The following EXOC6B variants were observed in gnomAD, a reference collection of about 807,000 sequenced individuals.
EXOC6B encodes the protein exocyst complex component 6B, also known as SEC15 homolog B.
In EXOC6B, 54 loss-of-function variants were observed where a neutral mutation model predicts 113.5. That is an observed-to-expected ratio of 0.48 (90% CI 0.38 to 0.60). The LOEUF (loss-of-function observed/expected upper bound fraction) is 0.60. EXOC6B is among the 20% of genes least tolerant of loss of function. The pLI is 0.00. For synonymous variants in EXOC6B, 357 were observed against 339.0 expected (o/e 1.05, Z -0.58); for missense variants, 797 against 977.5 (o/e 0.82, Z 2.46).
chr2:72,380,003 C>T, intron 18 of EXOC6B, 133 bp from the exon 19 acceptor site: 2 of 749,758 alleles, frequency 2.7e-6, no homozygotes, highest in South Asian at 5.6e-5. Flanking sequence ...AATACCCTTC[C>T]ATTCAAATAA....
intron 7 of EXOC6B, among the ~76,000 whole-genome samples, chr2:72,564,062 T>G (rs1256989243): frequency 6.6e-6 from 1 of 152,132 alleles, no homozygotes; most frequent in Non-Finnish European, 1.5e-5. Flanking sequence ...TCTACCAGCT[T>G]TACTGCTGGG....
At position 72,780,926 on chromosome 2, in the gene EXOC6B, GA is replaced by G. The variant is rs575447443; in HGVS notation, c.114-39458del. On this transcript the variant is annotated intron_variant, in intron 1 of 21. Transcript: ENST00000272427. ...TTGTTTTTGTAATTGTTACACTAAG[GA>G]AAAAAAAACTTTTAAATTGGGTTTT... Among the ~76,000 whole-genome samples, 478 of 150,718 alleles carry G rather than the reference GA, an allele frequency of 3.2e-3. 3 individuals carry two copies. The highest frequency in any genetic ancestry group is 4.9e-3 in the Non-Finnish European group (330 of 67,640).
At chr2:72,568,334 A>G (rs1368185187) in intron 7 of EXOC6B, among the ~76,000 whole-genome samples, 2 of 152,090 alleles carry the variant, frequency 1.3e-5, no homozygotes, top group Non-Finnish European at 2.9e-5. Context: ...AACTAGAGAT[A>G]GTTGTATAAA....
chr2:72,805,204 G>A (rs1685515543), intron 1 of EXOC6B, among the ~76,000 whole-genome samples: 1 of 152,188 alleles, frequency 6.6e-6, no homozygotes, highest in Non-Finnish European at 1.5e-5. Context: ...TTTGTGAAAT[G>A]ATGTGAGAAA....
chr2:72,247,724 C>A (rs962264624), intron 20 of EXOC6B, among the ~76,000 whole-genome samples: 1 of 152,166 alleles, frequency 6.6e-6, no homozygotes. Context: ...GGGAAATTTG[C>A]AAATTTTTTA....
chr2:72,486,831 A>G (rs1246520537), intron 16 of EXOC6B, among the ~76,000 whole-genome samples: 1 of 151,998 alleles, frequency 6.6e-6, no homozygotes, highest in East Asian at 1.9e-4. Flanking sequence ...CATTCCCACA[A>G]TAAATAACAG....
intron 3 of EXOC6B, among the ~76,000 whole-genome samples, chr2:72,732,114 G>A (rs1680676353): frequency 6.6e-6 from 1 of 152,144 alleles, no homozygotes; most frequent in African/African-American, 2.4e-5. Context: ...TGGTTTAAAT[G>A]GTAAATATGT....
intron 6 of EXOC6B, among the ~76,000 whole-genome samples, chr2:72,683,170 C>T (rs1009216819): frequency 6.6e-6 from 1 of 152,036 alleles, no homozygotes; most frequent in Admixed American, 6.6e-5. Context: ...AAGCTTTTAC[C>T]ATCTGAATCA....
chr2:72,453,587 A>G (rs12996385), intron 18 of EXOC6B, among the ~76,000 whole-genome samples: 1 of 152,116 alleles, frequency 6.6e-6, no homozygotes. Flanking sequence ...CAAAGTTATT[A>G]TTTAATTTCA....
intron 1 of EXOC6B, among the ~76,000 whole-genome samples, chr2:72,812,972 G>A (rs1686006878): frequency 6.6e-6 from 1 of 151,872 alleles, no homozygotes; most frequent in African/African-American, 2.4e-5. Flanking sequence ...CTACAGAGTA[G>A]GAAAAAAATA....
intron 19 of EXOC6B, among the ~76,000 whole-genome samples, chr2:72,356,830 A>G (rs555868058): frequency 2.6e-5 from 4 of 152,134 alleles, no homozygotes; most frequent in Non-Finnish European, 5.9e-5. Context: ...AAAATATTAT[A>G]TCGCTGCCCT....
intron 20 of EXOC6B, among the ~76,000 whole-genome samples, chr2:72,265,950 C>A (rs1161259142): frequency 1.2e-4 from 18 of 151,960 alleles, no homozygotes; most frequent in African/African-American, 3.6e-4. Context: ...GCCATTCTAA[C>A]TGGTGTGAGA....
At chr2:72,555,155 T>A (rs982831334) in intron 8 of EXOC6B, among the ~76,000 whole-genome samples, 1 of 152,206 alleles carries the variant, frequency 6.6e-6, no homozygotes, top group Non-Finnish European at 1.5e-5. Flanking sequence ...CAGTCTATCA[T>A]TGATGGACAT....
intron 18 of EXOC6B, among the ~76,000 whole-genome samples, chr2:72,387,209 T>G (rs961016008): frequency 1.3e-5 from 2 of 152,204 alleles, no homozygotes. Context: ...GTGTATCTTT[T>G]TAAAATATAA....
intron 20 of EXOC6B, among the ~76,000 whole-genome samples, chr2:72,217,052 T>C (rs1028043140): frequency 7.0e-6 from 1 of 142,272 alleles, no homozygotes; most frequent in Non-Finnish European, 1.5e-5. Flanking sequence ...AAAAAAAAAG[T>C]ATAGTAACCA....
At chr2:72,272,168 G>C (rs1684532344) in intron 20 of EXOC6B, among the ~76,000 whole-genome samples, 1 of 152,142 alleles carries the variant, frequency 6.6e-6, no homozygotes, top group African/African-American at 2.4e-5. Flanking sequence ...GTGAAGTGCA[G>C]TGAGGTGAGC....
chr2:72,210,358 T>C (rs1483951653), intron 20 of EXOC6B, among the ~76,000 whole-genome samples: 3 of 152,160 alleles, frequency 2.0e-5, no homozygotes, highest in Non-Finnish European at 4.4e-5. Context: ...TAACTTTCCA[T>C]TAATCCTAAA....
At chr2:72,445,071 A>G (rs1306303986) in intron 18 of EXOC6B, among the ~76,000 whole-genome samples, 6 of 152,116 alleles carry the variant, frequency 3.9e-5, no homozygotes, top group Non-Finnish European at 2.9e-5. Context: ...ACAGCATCCA[A>G]GTCACTTCTT....
intron 20 of EXOC6B, among the ~76,000 whole-genome samples, chr2:72,270,502 CACT>C (rs1684415355): frequency 6.6e-6 from 1 of 152,082 alleles, no homozygotes; most frequent in Non-Finnish European, 1.5e-5. Context: ...CATATTTAAC[CACT>C]AACTTTGAAG....
Sources: gnomAD v4.1 joint callset for allele counts (sites outside exome capture counted in the v4.1 genomes callset) on GRCh38, gnomAD v4.1.1 for gene constraint, MANE v1.5 for transcripts, NCBI Gene and HGNC (gene_info 2026-07-23, HGNC 2026-07-21) for gene names.